MYH14: variants seen among roughly 807,000 people sequenced by gnomAD.
MYH14 encodes the protein myosin-14.
Under a neutral mutation model 255.5 loss-of-function variants are expected in MYH14, and 123 were observed. The ratio of observed to expected loss-of-function variants is 0.48; its 90% confidence interval spans 0.42 to 0.56. The LOEUF is 0.56. Among genes scored for constraint, MYH14 ranks in the 20% least tolerant of loss-of-function variants. The pLI is 0.00. For synonymous variants in MYH14, 1,095 were observed against 1,161.2 expected, an observed-to-expected ratio of 0.94 and a Z score of 1.16; for missense variants, 2,423 against 2,802.3, an observed-to-expected ratio of 0.86 and a Z score of 3.06.
At chr19:50,288,432 G>A (rs913950700) in intron 34 of MYH14, among the ~76,000 whole-genome samples, 4 of 152,254 alleles carry the variant, frequency 2.6e-5, no homozygotes, top group South Asian at 2.1e-4. Context: ...TACTTGAGCC[G>A]TTAAGGTCCG....
In MYH14 at chr19:50,266,748, T is replaced by G. The variant is rs549832106; in HGVS notation, c.2695-129T>G. ...TTCTAGGCCTGTGACCAGGGACTGT[T>G]GCCAAGGCGGGGACACACAGCTAAT... On this transcript the variant is annotated intron_variant, in intron 22 of 42. Transcript: ENST00000642316. This position sits in a 1 kb window ranked among gnomAD's most constrained non-coding sequence, Gnocchi z 4.1. The G allele has an allele frequency of 3.3e-6, 4 of 1,230,540 alleles. No individual in the cohort carries two copies. In the East Asian group the frequency reaches 7.7e-5, roughly 24 times the overall value. 76.2% of individuals were successfully genotyped at this position (1,230,540 alleles called of 1,614,324 possible).
At chr19:50,297,383 G>A (rs1367403178) in intron 39 of MYH14, among the ~76,000 whole-genome samples, 1 of 151,980 alleles carries the variant, frequency 6.6e-6, no homozygotes, top group Admixed American at 6.6e-5. Flanking sequence ...GGCTTCCCGT[G>A]GGTGCTGGCA....
At position 50,255,244 on chromosome 19, in the gene MYH14, C is replaced by G. The variant is rs1360994049; in HGVS notation, c.1970C>G (p.Ser657Cys). The G allele has an allele frequency of 6.4e-7, 1 of 1,551,554 alleles. No individual in the cohort carries two copies. Among genetic ancestry groups the G allele is most frequent in the South Asian group, 1.2e-5 (1 of 84,050 alleles). ...KDEHGGFQQF[S>C]FLGSFPPSPP... The stretch of plus-strand genomic sequence containing the variant: ...GAACATGGGGGCTTCCAGCAGTTCT[C>G]TTTCCTTGGCTCCTTCCCACCGTCG... The change falls in exon 17 of 43, where the codon TCT (serine) becomes TGT (cysteine). Residue 657 changes from serine (S) to cysteine (C), a missense_variant. This residue lies in a region of MYH14 where 672 missense variants were observed against 881.8 expected (regional missense o/e 0.76). Transcript: ENST00000642316.
At chr19:50,259,097 C>T (rs1434195361) in intron 18 of MYH14, 47 bp from the exon 19 acceptor site, 4 of 1,528,338 alleles carry the variant, frequency 2.6e-6, no homozygotes, top group African/African-American at 2.8e-5. Context: ...GTTTGGCGCC[C>T]CCGTGTGGCC....
At chr19:50,261,765 C>T (rs1228980015) in intron 21 of MYH14, 130 bp downstream of exon 21, 70 of 761,822 alleles carry the variant, frequency 9.2e-5, no homozygotes, top group South Asian at 2.0e-4. Context: ...ATGGAGGTGC[C>T]GGGTGTCCAG....
intron 19 of MYH14, among the ~76,000 whole-genome samples, chr19:50,259,807 G>T (rs8108132): frequency 0.46 from 69,421 of 152,024 alleles, 16,326 homozygotes; most frequent in Admixed American, 0.59. Context: ...GAACCGGGAA[G>T]GGGGAGGTTG....
At chr19:50,301,543 C>A in intron 39 of MYH14, 118 bp from the exon 40 acceptor site, 2 of 690,470 alleles carry the variant, frequency 2.9e-6, no homozygotes, top group Non-Finnish European at 5.1e-6. Flanking sequence ...ATGTTTCAGG[C>A]TCTGTGCTAT....
rs2123370003 is a variant in MYH14 at position 50,266,191 on chromosome 19, C to T, written c.2695-686C>T. Among the ~76,000 whole-genome samples, 1 of 152,308 alleles carries T rather than the reference C, an allele frequency of 6.6e-6. No homozygotes were observed. On this transcript the variant is annotated intron_variant, in intron 22 of 42. Coordinates refer to ENST00000642316, the MANE Select transcript of MYH14 (RefSeq NM_001145809.2). The surrounding 1 kb of genome is among the most constrained non-coding windows in gnomAD (Gnocchi z 4.1). The stretch of plus-strand genomic sequence containing the variant: ...AATTTTTGTTTCAGTTCTGTGTGTA[C>T]CTCTGTCACTGCAGCCTGAATCATG...
At chr19:50,237,498 T>C (rs2033711895) in intron 10 of MYH14, among the ~76,000 whole-genome samples, 1 of 152,128 alleles carries the variant, frequency 6.6e-6, no homozygotes, top group South Asian at 2.1e-4. Flanking sequence ...CTAACTTTTT[T>C]TGTATTTTTA....
intron 27 of MYH14, among the ~76,000 whole-genome samples, chr19:50,274,420 G>A (rs1334506472): frequency 2.0e-5 from 3 of 152,014 alleles, no homozygotes; most frequent in Admixed American, 6.6e-5. Context: ...TCAGCCTCCC[G>A]AGTGGCTGGG....
chr19:50,212,533 A>G (rs1409670808), intron 2 of MYH14, among the ~76,000 whole-genome samples: 1 of 152,228 alleles, frequency 6.6e-6, no homozygotes, highest in African/African-American at 2.4e-5. Context: ...CCATGAAGGA[A>G]TCACGCCAGG....
Position 50,231,970 on chromosome 19 carries a change from G to C in MYH14, c.1014G>C (p.Leu338=). 6.2e-7 allele frequency: 1 copy of C among 1,613,926 alleles called. No homozygotes were observed. ...AGCCCTGCTCCCACTACCGGTTCCT[G>C]ACCAACGGGCCGTCATCCTCTCCCG... ...LLEPCSHYRF[L]TNGPSSSPGQ... is the part of the protein sequence containing the mutation. The change falls in exon 10 of 43, where the codon CTG becomes CTC. Residue 338 remains leucine, a synonymous_variant. Transcript: ENST00000642316.
chr19:50,224,032 T>TGGCCCCCCCCCCCCCCCC, intron 5 of MYH14, 122 bp from the exon 6 acceptor site: 2 of 610,318 alleles, frequency 3.3e-6, no homozygotes, highest in Non-Finnish European at 6.1e-6. Flanking sequence ...ATGCCCGGTT[T>TGGCCCCCCCCCCCCCCCC]CCCCAGTCCC....
intron 37 of MYH14, 84 bp downstream of exon 37, chr19:50,292,473 G>A (rs1162020143): frequency 1.6e-6 from 2 of 1,273,460 alleles, no homozygotes; most frequent in African/African-American, 3.2e-5. Context: ...TGTGAAGCTG[G>A]GGAGGTGGGC....
intron 33 of MYH14, among the ~76,000 whole-genome samples, chr19:50,282,076 G>A (rs2035744429): frequency 6.6e-6 from 1 of 152,208 alleles, no homozygotes; most frequent in Admixed American, 6.5e-5. Flanking sequence ...TACTTTCAGA[G>A]CTGCCCTGGT....
At chr19:50,225,538 C>T in intron 6 of MYH14, 47 bp from the exon 7 acceptor site, 1 of 1,521,828 alleles carries the variant, frequency 6.6e-7, no homozygotes, top group Admixed American at 1.8e-5. Flanking sequence ...GCCTGGCCTC[C>T]TGCCCCATTC....
intron 30 of MYH14, among the ~76,000 whole-genome samples, chr19:50,279,247 C>T (rs1367251513): frequency 1.3e-5 from 2 of 152,142 alleles, no homozygotes; most frequent in African/African-American, 2.4e-5. Flanking sequence ...ATATGGGTGG[C>T]CTTTGTGGCT....
intron 24 of MYH14, 37 bp from the exon 25 acceptor site, chr19:50,271,372 G>T: frequency 6.3e-7 from 1 of 1,581,920 alleles, no homozygotes; most frequent in South Asian, 1.2e-5. Flanking sequence ...CCATCTATTG[G>T]CCCAGTATCC....
chr19:50,204,480 C>T (rs2031620195), intron 1 of MYH14, among the ~76,000 whole-genome samples: 1 of 152,200 alleles, frequency 6.6e-6, no homozygotes, highest in Non-Finnish European at 1.5e-5. Context: ...ACGGTATAGG[C>T]TTGAATTCCA....
Sources: allele counts gnomAD v4.1 joint callset (sites outside exome capture counted in the v4.1 genomes callset), GRCh38; gene constraint gnomAD v4.1.1; regional missense constraint gnomAD v4.1.1; non-coding constraint Gnocchi (gnomAD v3.1); transcripts MANE v1.5; gene names NCBI Gene and HGNC (gene_info 2026-07-23, HGNC 2026-07-21).